The following SLC23A2 variants were observed in gnomAD, a reference collection of about 807,000 sequenced individuals.
SLC23A2 encodes Na(+)/L-ascorbic acid transporter 2.
SLC23A2 carries 36 observed loss-of-function variants against 73.3 expected under a neutral mutation model. That is an observed-to-expected ratio of 0.49 (90% confidence interval 0.38 to 0.65). The LOEUF (loss-of-function observed/expected upper bound fraction) is 0.65, where lower values mean the gene tolerates loss of function less well. Ranked by LOEUF, SLC23A2 falls within the 30% of genes least tolerant of loss-of-function variation. The pLI is 0.00. For missense variants in SLC23A2, 507 were observed against 841.6 expected (o/e 0.60, Z 4.92); for synonymous variants, 343 against 327.3 (o/e 1.05, Z -0.52).
At chr20:4,924,355 C>G (rs1048846998) in intron 3 of SLC23A2, among the ~76,000 whole-genome samples, 1 of 152,050 alleles carries the variant, frequency 6.6e-6, no homozygotes, top group Non-Finnish European at 1.5e-5. Context: ...GTGTCTCTTT[C>G]TGAAGGGACT....
chr20:4,986,689 C>CATACACACAGAG (rs71197739), intron 1 of SLC23A2, among the ~76,000 whole-genome samples: 6 of 129,890 alleles, frequency 4.6e-5, no homozygotes, highest in Non-Finnish European at 8.2e-5. Context: ...CACACACACA[C>CATACACACAGAG]AGAGATGAAT....
chr20:4,862,130 C>CG lies in SLC23A2; in HGVS notation c.1487-46dup. On this transcript the variant is annotated intron_variant, in intron 14 of 16. Coordinates refer to ENST00000338244, the MANE Select transcript of SLC23A2 (RefSeq NM_005116.6). The surrounding 1 kb of genome is among the most constrained non-coding windows in gnomAD (Gnocchi z 5.1). ...ACCACAAGCTCCAGCACCACTACAG[C>CG]GGGGACAGCTCAAGGCAGGTGAGGG... 3 of 1,606,014 alleles carry CG rather than the reference C, an allele frequency of 1.9e-6. No individual in the cohort carries two copies. The highest frequency in any genetic ancestry group is 2.6e-6 in the Non-Finnish European group (3 of 1,175,250).
intron 3 of SLC23A2, among the ~76,000 whole-genome samples, chr20:4,927,899 AGCGACC>A (rs1345650126): frequency 1.3e-5 from 2 of 152,162 alleles, no homozygotes; most frequent in African/African-American, 4.8e-5. Context: ...GGCAATGGGA[AGCGACC>A]CACTGTAACT....
At chr20:4,934,861 TA>T (rs536874890) in intron 2 of SLC23A2, among the ~76,000 whole-genome samples, 446 of 137,662 alleles carry the variant, frequency 3.2e-3, no homozygotes, top group Admixed American at 4.2e-3. Flanking sequence ...AGACTCTGTC[TA>T]AAAAAAAAAA....
At chr20:4,859,179 G>A (rs1929856389) in intron 16 of SLC23A2, 110 bp downstream of exon 16, 1 of 702,206 alleles carries the variant, frequency 1.4e-6, no homozygotes, top group African/African-American at 1.8e-5. Context: ...AACCAGTGAT[G>A]GCTTTGAACT....
At chr20:4,948,378 C>T (rs1347298211) in intron 2 of SLC23A2, among the ~76,000 whole-genome samples, 2 of 152,174 alleles carry the variant, frequency 1.3e-5, no homozygotes, top group Non-Finnish European at 1.5e-5. Flanking sequence ...ATCTGGAAGA[C>T]ATTCCATTTG....
chr20:5,009,172 G>C (rs953472810), intron 1 of SLC23A2, among the ~76,000 whole-genome samples: 1 of 152,104 alleles, frequency 6.6e-6, no homozygotes, highest in Non-Finnish European at 1.5e-5. Context: ...CTTTGTGACT[G>C]CATTTCCTAG....
chr20:4,951,254 T>C (rs1454939615), intron 2 of SLC23A2, among the ~76,000 whole-genome samples: 1 of 152,104 alleles, frequency 6.6e-6, no homozygotes, highest in Non-Finnish European at 1.5e-5. Flanking sequence ...TTGACAATTA[T>C]ATGGAGAAAA....
At position 4,934,737 on chromosome 20, in the gene SLC23A2, C is replaced by T. The variant is rs191377419; in HGVS notation, c.-154-2021G>A. On this transcript the variant is annotated intron_variant, in intron 2 of 16. Transcript: ENST00000338244. The stretch of plus-strand genomic sequence containing the variant: ...AATTAGCCAGGCGTGGTGGCAGGCG[C>T]CTGTAATCCCAGCTACTCGGGAAGC... Among the ~76,000 whole-genome samples the T allele has an allele frequency of 5.5e-3, 836 of 152,162 alleles. 9 individuals carry two copies. The highest frequency in any genetic ancestry group is 0.019 in the African/African-American group (781 of 41,498).
Position 4,862,830 on chromosome 20 carries a change from G to A in SLC23A2, c.1434C>T (p.Leu478=), listed in dbSNP as rs140945641. 86 of 1,613,960 alleles carry A rather than the reference G, an allele frequency of 5.3e-5. No homozygotes were observed. The highest frequency in any genetic ancestry group is 6.9e-5 in the Non-Finnish European group (82 of 1,180,022). ...ALGMIGKFSA[L]FASLPDPVLG... is the part of the protein sequence containing the mutation. ...GCACAGGATCCGGAAGGGACGCAAA[G>A]AGGGCGCTGAACTTCCCGATCATGC... Residue 478 remains leucine (L), a synonymous_variant, in exon 14 of 17, where the codon CTC becomes CTT. Transcript: ENST00000338244. The surrounding 1 kb of genome is among the most constrained non-coding windows in gnomAD (Gnocchi z 5.1).
At chr20:4,978,521 C>T (rs79962391) in intron 1 of SLC23A2, among the ~76,000 whole-genome samples, 1,748 of 152,238 alleles carry the variant, frequency 0.011, 30 homozygotes, top group East Asian at 0.049. Flanking sequence ...AAAGACAGTG[C>T]TTAATGAAGG....
chr20:4,931,057 T>C (rs540428355), intron 3 of SLC23A2, among the ~76,000 whole-genome samples: 1 of 136,356 alleles, frequency 7.3e-6, no homozygotes, highest in African/African-American at 2.8e-5. Context: ...AAATAACTGT[T>C]ATTTTTTTAA....
chr20:4,932,468 A>T lies in SLC23A2; in HGVS notation c.95T>A (p.Phe32Tyr). Residue 32 changes from phenylalanine (F) to tyrosine (Y), a missense_variant, in exon 3 of 17, where the codon TTC becomes TAC. Phe to Tyr is a conservative substitution (Grantham distance 22, BLOSUM62 3). Coordinates refer to ENST00000338244, the MANE Select transcript of SLC23A2 (RefSeq NM_005116.6). ...GAATATGATTACCGGAAGAGTGAAG[A>T]AAGCTGGGTGCTTTGCCTCGTCTTC... ...KYEDEAKHPA[F>Y]FTLPVVINGG... 5 of 1,581,628 alleles carry T rather than the reference A, an allele frequency of 3.2e-6. No homozygotes were observed. The highest frequency in any genetic ancestry group is 3.5e-6 in the Non-Finnish European group (4 of 1,150,218).
At chr20:5,003,465 C>G (rs950290499), upstream of SLC23A2, among the ~76,000 whole-genome samples, 1 of 151,974 alleles carries the variant, frequency 6.6e-6, no homozygotes, top group Non-Finnish European at 1.5e-5. Flanking sequence ...CGCATTGCCC[C>G]GTAACCATCA....
chr20:4,979,421 T>C (rs1479650751), intron 1 of SLC23A2, among the ~76,000 whole-genome samples: 1 of 152,030 alleles, frequency 6.6e-6, no homozygotes, highest in Non-Finnish European at 1.5e-5. Context: ...ACTGGGACAA[T>C]GGGGCCAGCA....
chr20:4,902,293 T>G lies in SLC23A2; in HGVS notation c.324+149A>C. On this transcript the variant is annotated intron_variant, in intron 5 of 16. Transcript: ENST00000338244. The surrounding 1 kb of genome is among the most constrained non-coding windows in gnomAD (Gnocchi z 4.0). ...TGCTAGGATTACAGGCATCAGCCAC[T>G]GTGCTCAGCCCCTACTCATCACTCT... 1 of 514,146 alleles carries G rather than the reference T, an allele frequency of 1.9e-6. No homozygotes were observed. The highest frequency in any genetic ancestry group is 3.7e-5 in the Admixed American group (1 of 26,898). The allele number at this position is 514,146 out of a possible 1,614,324, so 31.8% of individuals were successfully genotyped here.
chr20:4,949,228 C>T (rs2087161610), intron 2 of SLC23A2, among the ~76,000 whole-genome samples: 1 of 147,090 alleles, frequency 6.8e-6, no homozygotes, highest in African/African-American at 2.5e-5. Flanking sequence ...GCGGAGATTG[C>T]AGTGAGCCGA....
chr20:4,857,670 C>G lies in SLC23A2; in HGVS notation c.1721-466G>C, dbSNP rs1309620979. On this transcript the variant is annotated intron_variant, in intron 16 of 16. Coordinates refer to ENST00000338244, the MANE Select transcript of SLC23A2 (RefSeq NM_005116.6). This position sits in a 1 kb window ranked among gnomAD's most constrained non-coding sequence, Gnocchi z 4.0. Reference sequence around the variant, plus strand: ...TCTAGGCCAGGTGTGGTGGCTCACACCTGTAATCCAAGCACTTTGGGAGGC... The same window carrying G: ...TCTAGGCCAGGTGTGGTGGCTCACAGCTGTAATCCAAGCACTTTGGGAGGC... Among the ~76,000 whole-genome samples, 1 of 152,102 alleles carries G rather than the reference C, an allele frequency of 6.6e-6. No individual in the cohort carries two copies. Among genetic ancestry groups the G allele is most frequent in the Non-Finnish European group, 1.5e-5 (1 of 68,032 alleles).
chr20:4,919,745 A>G lies in SLC23A2; in HGVS notation c.109-6767T>C, dbSNP rs549606799. Among the ~76,000 whole-genome samples, 5 of 152,264 alleles carry G rather than the reference A, an allele frequency of 3.3e-5. No homozygotes were observed. The East Asian group carries it at 7.7e-4, about 24-fold the overall frequency. Reference sequence around the variant, plus strand: ...AACAGATCCTGAGGCCACGCAGCACATTACAGCACTCCACCCAAAACGGAC... The same window carrying G: ...AACAGATCCTGAGGCCACGCAGCACGTTACAGCACTCCACCCAAAACGGAC... On this transcript the variant is annotated intron_variant, in intron 3 of 16. Transcript: ENST00000338244.
Sources: allele counts gnomAD v4.1 joint callset (sites outside exome capture counted in the v4.1 genomes callset), GRCh38; gene constraint gnomAD v4.1.1; non-coding constraint Gnocchi (gnomAD v3.1); transcripts MANE v1.5; gene names NCBI Gene and HGNC (gene_info 2026-07-23, HGNC 2026-07-21).